The following PLA2G12A variants were observed in gnomAD, a reference collection of about 807,000 sequenced individuals.
The protein encoded by PLA2G12A is phospholipase A2 group XIIA, also known as group XIIA secretory phospholipase A2.
In PLA2G12A, 11 loss-of-function variants were observed where a neutral mutation model predicts 16.0. That is an observed-to-expected ratio of 0.69 (90% CI 0.43 to 1.13). PLA2G12A has a LOEUF of 1.13. Among genes scored for constraint, PLA2G12A ranks in the 50% most tolerant of loss-of-function variants. The pLI, the probability that PLA2G12A is intolerant of heterozygous loss-of-function variation, is 0.00. For missense variants in PLA2G12A, 214 were observed against 237.3 expected (o/e 0.90, Z 0.65); for synonymous variants, 77 against 93.8 (o/e 0.82, Z 1.03).
In PLA2G12A at chr4:109,715,673, C is replaced by T. The variant is rs191242780; in HGVS notation, c.452-1178G>A. The stretch of plus-strand genomic sequence containing the variant: ...ATTTTTTGTTAGAGATGGGGTTTCA[C>T]CATGTTGGCCAGGCTGCTCTCAAAC... On this transcript the variant is annotated intron_variant, in intron 3 of 3. Coordinates refer to ENST00000243501, the MANE Select transcript of PLA2G12A (RefSeq NM_030821.5). Among the ~76,000 whole-genome samples, 551 of 152,176 alleles carry T rather than the reference C, an allele frequency of 3.6e-3. 5 individuals carry two copies. The highest frequency in any genetic ancestry group is 0.013 in the African/African-American group (537 of 41,510).
intron 1 of PLA2G12A, among the ~76,000 whole-genome samples, chr4:109,719,645 A>G (rs1730886925): frequency 6.6e-6 from 1 of 152,226 alleles, no homozygotes; most frequent in South Asian, 2.1e-4. Context: ...CAATAAAGCC[A>G]ATATAACAAT....
chr4:109,718,449 G>A (rs1730866249), intron 2 of PLA2G12A, among the ~76,000 whole-genome samples: 2 of 152,146 alleles, frequency 1.3e-5, no homozygotes, highest in Admixed American at 1.3e-4. Context: ...AACTATGTAT[G>A]TGATATTGGG....
intron 1 of PLA2G12A, among the ~76,000 whole-genome samples, chr4:109,721,081 TA>T (rs1730932915): frequency 1.3e-5 from 2 of 151,948 alleles, no homozygotes; most frequent in Admixed American, 1.3e-4. Context: ...CAAAAAACAG[TA>T]ACAACAAAAA....
intron 1 of PLA2G12A, among the ~76,000 whole-genome samples, chr4:109,721,835 C>A (rs771108969): frequency 6.0e-4 from 91 of 152,030 alleles, no homozygotes; most frequent in African/African-American, 2.2e-3. Flanking sequence ...TATGTTCTTA[C>A]GTTCTTATAC....
rs756003042 is a variant in PLA2G12A, at chr4:109,729,770, G to A, written c.40C>T (p.Leu14Phe). 1.9e-6 allele frequency: 3 copies of A among 1,568,950 alleles called. No individual in the cohort carries two copies. The highest frequency in any genetic ancestry group is 2.6e-6 in the Non-Finnish European group (3 of 1,157,848). ...LSRPALTLLL[L>F]LMAAVVRCQE... Reference sequence around the variant, plus strand: ...CACCTGACAACAGCGGCCATGAGGAGGAGCAGGAGGGTGAGCGCGGGGCGC... The same window carrying A: ...CACCTGACAACAGCGGCCATGAGGAAGAGCAGGAGGGTGAGCGCGGGGCGC... The change falls in exon 1 of 4, where the codon CTC (leucine) becomes TTC (phenylalanine). Residue 14 changes from leucine to phenylalanine, a missense_variant. By Grantham distance (22) the Leu-to-Phe change is conservative. Transcript: ENST00000243501.
At chr4:109,718,539 C>G (rs1730867301) in intron 2 of PLA2G12A, 144 bp downstream of exon 2, 1 of 598,004 alleles carries the variant, frequency 1.7e-6, no homozygotes, top group African/African-American at 2.0e-5. Context: ...GTTAGTTTTG[C>G]CAAAAAGAAT....
At chr4:109,714,880 G>A (rs577079994) in intron 3 of PLA2G12A, among the ~76,000 whole-genome samples, 41 of 151,836 alleles carry the variant, frequency 2.7e-4, no homozygotes, top group African/African-American at 9.4e-4. Context: ...CATTACCATG[G>A]CCAGCTCATT....
chr4:109,725,020 A>T (rs1269650627), intron 1 of PLA2G12A, among the ~76,000 whole-genome samples: 1 of 152,330 alleles, frequency 6.6e-6, no homozygotes, highest in East Asian at 1.9e-4. Context: ...TTCCCTGCTT[A>T]CCCAATCTAA....
rs749691678 is a variant in PLA2G12A at position 109,714,385 on chromosome 4, C to G, written c.562G>C (p.Asp188His). 1 of 1,608,252 alleles carries G rather than the reference C, an allele frequency of 6.2e-7. No individual in the cohort carries two copies. The highest frequency in any genetic ancestry group is 8.5e-7 in the Non-Finnish European group (1 of 1,174,674). ...AGCTGTCGGCATCTCCTTTAAAGAT[C>G]AGTTTTTTCTTCATAATGACACCTG... is the stretch of plus-strand genomic sequence containing the variant. ...ACRCHYEEKT[D>H]L Residue 188 changes from aspartate (D) to histidine (H), a missense_variant, in exon 4 of 4, where the codon GAT (aspartate) becomes CAT (histidine). By Grantham distance (81) the Asp-to-His change is moderately conservative. Coordinates refer to ENST00000243501, the MANE Select transcript of PLA2G12A (RefSeq NM_030821.5).
intron 1 of PLA2G12A, among the ~76,000 whole-genome samples, chr4:109,724,212 G>GC (rs1345312517): frequency 6.6e-6 from 1 of 152,084 alleles, no homozygotes; most frequent in African/African-American, 2.4e-5. Flanking sequence ...TGCAACCTCT[G>GC]CCTCCTGGGT....
chr4:109,726,661 T>C (rs1045363990), intron 1 of PLA2G12A, among the ~76,000 whole-genome samples: 1 of 152,202 alleles, frequency 6.6e-6, no homozygotes, highest in Non-Finnish European at 1.5e-5. Context: ...TCTAAAAACA[T>C]TTACAAGCCA....
rs1730742303 is a variant in PLA2G12A at position 109,712,064 on chromosome 4, G to A, written c.*2313C>T. 1 of 152,138 alleles carries A rather than the reference G, an allele frequency of 6.6e-6. No individual in the cohort carries two copies. The highest frequency in any genetic ancestry group is 1.5e-5 in the Non-Finnish European group (1 of 68,024). 9.4% of individuals were successfully genotyped at this position (152,138 alleles called of 1,614,324 possible). On this transcript the variant is annotated 3_prime_UTR_variant, in exon 4 of 4. Transcript: ENST00000243501. Reference sequence around the variant, plus strand: ...ACTATCACAGACCAGAGGCTAATTAGGCATGACGACTAATTCAGTGTGGTA... The same window carrying A: ...ACTATCACAGACCAGAGGCTAATTAAGCATGACGACTAATTCAGTGTGGTA...
chr4:109,714,247 T>C lies in PLA2G12A; in HGVS notation c.*130A>G. ...TTGCTTTGAGGTTTTAACATCAAGA[T>C]ATAAATTATTTTAAGGTCTCAAAAT... On this transcript the variant is annotated 3_prime_UTR_variant, in exon 4 of 4. Coordinates refer to ENST00000243501, the MANE Select transcript of PLA2G12A (RefSeq NM_030821.5). 1 of 740,890 alleles carries C rather than the reference T, an allele frequency of 1.3e-6. No homozygotes were observed. The allele number at this position is 740,890 out of a possible 1,614,324, so 45.9% of individuals were successfully genotyped here. A position where few individuals can be genotyped will look rare whatever the true frequency, so the allele number is the denominator to read the frequency against.
rs148909770 is a variant in PLA2G12A, at chr4:109,710,127, A to G, written c.*4250T>C. ...GGAAAAACAGCAAACTAAAAATGCTACTTCAAATATAGCAACAGTCACTAC... is the reference window on the plus strand; with the variant it reads ...GGAAAAACAGCAAACTAAAAATGCTGCTTCAAATATAGCAACAGTCACTAC... On this transcript the variant is annotated 3_prime_UTR_variant, in exon 4 of 4. Transcript: ENST00000243501. The G allele has an allele frequency of 6.6e-5, 10 of 152,346 alleles. No individual in the cohort carries two copies. Among genetic ancestry groups the G allele is most frequent in the African/African-American group, 2.4e-4 (10 of 41,584 alleles). The allele number at this position is 152,346 out of a possible 1,614,324, so 9.4% of individuals were successfully genotyped here.
At chr4:109,728,967 G>C (rs1219169584) in intron 1 of PLA2G12A, among the ~76,000 whole-genome samples, 1 of 152,152 alleles carries the variant, frequency 6.6e-6, no homozygotes, top group Non-Finnish European at 1.5e-5. Flanking sequence ...CAGGTTCAAA[G>C]AGAAAGTTCA....
intron 2 of PLA2G12A, 88 bp from the exon 3 acceptor site, chr4:109,717,801 T>C: frequency 8.1e-7 from 1 of 1,233,262 alleles, no homozygotes; most frequent in Non-Finnish European, 1.2e-6. Flanking sequence ...TAGGTATAAA[T>C]GATAATGACT....
intron 1 of PLA2G12A, among the ~76,000 whole-genome samples, chr4:109,722,807 C>T (rs1017955379): frequency 2.0e-5 from 3 of 152,158 alleles, no homozygotes; most frequent in East Asian, 1.9e-4. Flanking sequence ...TCTCCCCATC[C>T]GAAAATGTAA....
intron 1 of PLA2G12A, among the ~76,000 whole-genome samples, chr4:109,729,095 A>G (rs1722992889): frequency 6.6e-6 from 1 of 152,248 alleles, no homozygotes; most frequent in Non-Finnish European, 1.5e-5. Context: ...TCAACACTCG[A>G]GTACACCAAA....
chr4:109,729,768 G>A lies in PLA2G12A; in HGVS notation c.42C>T (p.Leu14=). Reference sequence around the variant, plus strand: ...GGCACCTGACAACAGCGGCCATGAGGAGGAGCAGGAGGGTGAGCGCGGGGC... The same window carrying A: ...GGCACCTGACAACAGCGGCCATGAGAAGGAGCAGGAGGGTGAGCGCGGGGC... ...LSRPALTLLL[L]LMAAVVRCQE... The change falls in exon 1 of 4, where the codon CTC becomes CTT. Residue 14 remains leucine, a synonymous_variant. Transcript: ENST00000243501. 1 of 1,569,668 alleles carries A rather than the reference G, an allele frequency of 6.4e-7. No homozygotes were observed. The highest frequency in any genetic ancestry group is 1.9e-5 in the Admixed American group (1 of 53,112).
Sources: gnomAD v4.1 joint callset for allele counts (sites outside exome capture counted in the v4.1 genomes callset) on GRCh38, gnomAD v4.1.1 for gene constraint, MANE v1.5 for transcripts, NCBI Gene and HGNC (gene_info 2026-07-23, HGNC 2026-07-21) for gene names.